TBC1D9: variants seen among roughly 807,000 people sequenced by gnomAD.
TBC1D9 encodes TBC1 domain family member 9.
A neutral mutation model predicts 132.0 loss-of-function variants in TBC1D9; 63 were observed. The ratio of observed to expected loss-of-function variants is 0.48; its 90% CI spans 0.39 to 0.59. The LOEUF (loss-of-function observed/expected upper bound fraction) is 0.59, where lower values mean the gene tolerates loss of function less well. TBC1D9 is among the 20% of genes least tolerant of loss of function. The pLI, the probability that TBC1D9 is intolerant of heterozygous loss-of-function variation, is 0.00. For missense variants in TBC1D9, 1,261 were observed against 1,592.7 expected (o/e 0.79, Z 3.54); for synonymous variants, 610 against 609.9 (o/e 1.00, Z 0.00).
At chr4:140,651,887 T>C (rs1002668359) in intron 13 of TBC1D9, among the ~76,000 whole-genome samples, 8 of 152,216 alleles carry the variant, frequency 5.3e-5, no homozygotes, top group African/African-American at 1.7e-4. Flanking sequence ...GCTGATAATG[T>C]ATCCCCAGGG....
chr4:140,705,631 CT>C (rs1489643707), intron 1 of TBC1D9, among the ~76,000 whole-genome samples: 1 of 152,044 alleles, frequency 6.6e-6, no homozygotes, highest in African/African-American at 2.4e-5. Flanking sequence ...GGAAATACTC[CT>C]CCTTTGTCCT....
In TBC1D9 at chr4:140,627,460, A is replaced by G. The variant is rs1282953702; in HGVS notation, c.2880T>C (p.Ile960=). The part of the protein sequence containing the change: ...FEATQYFFED[I]TPECTHVVGL... The stretch of plus-strand genomic sequence containing the variant: ...ACTTACCATGTGTACATTCTGGGGT[A>G]ATATCTTCAAAGAAGTACTGAGTTG... The change falls in exon 18 of 21, where the codon ATT becomes ATC. Residue 960 remains isoleucine (I), a synonymous_variant. Transcript: ENST00000442267. 1.2e-6 allele frequency: 2 copies of G among 1,607,260 alleles called. No individual in the cohort carries two copies. The highest frequency in any genetic ancestry group is 1.7e-5 in the Admixed American group (1 of 59,744).
intron 16 of TBC1D9, 116 bp from the exon 17 acceptor site, chr4:140,628,481 G>T: frequency 1.1e-6 from 1 of 948,326 alleles, no homozygotes. Flanking sequence ...ATTGTGTGGT[G>T]AAAGGCCTGG....
intron 11 of TBC1D9, chr4:140,659,276 T>A (rs1323908516): frequency 2.1e-5 from 4 of 191,804 alleles, no homozygotes; most frequent in Non-Finnish European, 3.2e-5. Flanking sequence ...TAATTTTTTT[T>A]ATCAAATCTC....
chr4:140,684,517 T>C (rs1737751480), intron 3 of TBC1D9, among the ~76,000 whole-genome samples: 1 of 152,078 alleles, frequency 6.6e-6, no homozygotes, highest in Non-Finnish European at 1.5e-5. Flanking sequence ...GGGAATTAAA[T>C]CTGACATTTT....
Position 140,679,724 on chromosome 4 carries a change from G to A in TBC1D9, c.480C>T (p.Leu160=), listed in dbSNP as rs200524034. 8.9e-5 allele frequency: 144 copies of A among 1,613,638 alleles called. No homozygotes were observed. In the African/African-American group the frequency reaches 1.6e-3, roughly 18 times the overall value. Residue 160 remains leucine (L), a synonymous_variant, in exon 4 of 21, where the codon CTC becomes CTT. Coordinates refer to ENST00000442267, the MANE Select transcript of TBC1D9 (RefSeq NM_015130.3). The part of the protein sequence containing the change: ...RLFGMPEEEK[L]VNYYSCSYWK... ...AATAGCTGCAAGAGTAATAGTTGAC[G>A]AGTTTCTCTTCCTCTGGCATCCCAA...
At chr4:140,665,845 TA>T (rs1201024957) in intron 9 of TBC1D9, among the ~76,000 whole-genome samples, 56 of 151,020 alleles carry the variant, frequency 3.7e-4, no homozygotes, top group African/African-American at 9.0e-4. Context: ...CCCAGCTAGT[TA>T]AAAAAAAAAT....
At chr4:140,739,991 C>T (rs1157924971) in intron 1 of TBC1D9, among the ~76,000 whole-genome samples, 1 of 152,198 alleles carries the variant, frequency 6.6e-6, no homozygotes, top group Non-Finnish European at 1.5e-5. Context: ...ATCTGTCCAG[C>T]ATGCCTTAGA....
chr4:140,755,736 A>C (rs996753031), intron 1 of TBC1D9, among the ~76,000 whole-genome samples, 180 bp downstream of exon 1: 1 of 152,182 alleles, frequency 6.6e-6, no homozygotes, highest in African/African-American at 2.4e-5. Context: ...AGAGTCAAAA[A>C]AAGAAGCATC....
chr4:140,639,025 G>T, intron 15 of TBC1D9, 61 bp downstream of exon 15: 1 of 1,227,664 alleles, frequency 8.1e-7, no homozygotes, highest in South Asian at 1.4e-5. Flanking sequence ...AGAACTAACT[G>T]AATTATTAAG....
At chr4:140,632,978 C>T (rs572359014) in intron 16 of TBC1D9, among the ~76,000 whole-genome samples, 4 of 152,304 alleles carry the variant, frequency 2.6e-5, no homozygotes, top group South Asian at 4.1e-4. Context: ...CTCTTTTAAG[C>T]GTATAGATGA....
At chr4:140,736,792 G>C (rs931996992) in intron 1 of TBC1D9, among the ~76,000 whole-genome samples, 3 of 152,194 alleles carry the variant, frequency 2.0e-5, no homozygotes, top group Admixed American at 6.5e-5. Context: ...ATTAGGCTGA[G>C]AGCTGAATTG....
chr4:140,725,331 C>T (rs1738481942), intron 1 of TBC1D9, among the ~76,000 whole-genome samples: 2 of 152,028 alleles, frequency 1.3e-5, no homozygotes, highest in Admixed American at 1.3e-4. Context: ...TGAGAACGAC[C>T]CTGTATGGTC....
chr4:140,645,861 G>A (rs575649992), intron 13 of TBC1D9, among the ~76,000 whole-genome samples: 1 of 152,314 alleles, frequency 6.6e-6, no homozygotes, highest in East Asian at 1.9e-4. Context: ...CTCTCAGACA[G>A]CACTGTATTC....
At chr4:140,623,413 A>G (rs1332089880) in intron 20 of TBC1D9, among the ~76,000 whole-genome samples, 1 of 152,228 alleles carries the variant, frequency 6.6e-6, no homozygotes, top group East Asian at 1.9e-4. Context: ...CATCTATGAA[A>G]GTTGGAATGA....
chr4:140,637,742 C>A (rs1736903545), intron 15 of TBC1D9, among the ~76,000 whole-genome samples: 1 of 152,206 alleles, frequency 6.6e-6, no homozygotes, highest in African/African-American at 2.4e-5. Flanking sequence ...ACTGCACCCT[C>A]AAGTGCCGGA....
intron 1 of TBC1D9, among the ~76,000 whole-genome samples, chr4:140,718,668 G>A (rs778884249): frequency 6.6e-6 from 1 of 152,160 alleles, no homozygotes; most frequent in South Asian, 2.1e-4. Flanking sequence ...ACTTAAATCC[G>A]AAAGAGCACC....
intron 1 of TBC1D9, among the ~76,000 whole-genome samples, chr4:140,719,313 A>G (rs1318713938): frequency 6.6e-6 from 1 of 152,130 alleles, no homozygotes; most frequent in African/African-American, 2.4e-5. Flanking sequence ...GAAACAGATG[A>G]CATACTGTGT....
rs116437785 is a variant in TBC1D9 at position 140,632,710 on chromosome 4, G to A, written c.2746+1238C>T. The stretch of plus-strand genomic sequence containing the variant: ...TAGGTAACGAAGCATAAGAGTAACA[G>A]CACAAACTGTGCCTCTTGAGTACGT... On this transcript the variant is annotated intron_variant, in intron 16 of 20. Coordinates refer to ENST00000442267, the MANE Select transcript of TBC1D9 (RefSeq NM_015130.3). 3.2e-3 allele frequency among the ~76,000 whole-genome samples: 489 copies of A among 152,240 alleles called. 3 individuals are homozygous for A. Among genetic ancestry groups the A allele is most frequent in the African/African-American group, 0.011 (441 of 41,548 alleles).
Sources: gnomAD v4.1 joint callset for allele counts (sites outside exome capture counted in the v4.1 genomes callset) on GRCh38, gnomAD v4.1.1 for gene constraint, MANE v1.5 for transcripts, NCBI Gene and HGNC (gene_info 2026-07-23, HGNC 2026-07-21) for gene names.